The following FBXL17 variants were observed in gnomAD, a reference collection of about 807,000 sequenced individuals.
FBXL17 encodes the protein F-box and leucine rich repeat protein 17.
A neutral mutation model predicts 66.2 loss-of-function variants in FBXL17; 22 were observed. The ratio of observed to expected loss-of-function variants is 0.33; its 90% CI spans 0.24 to 0.47. The LOEUF (loss-of-function observed/expected upper bound fraction) is 0.47. FBXL17 is among the 20% of genes least tolerant of loss of function. The probability of loss-of-function intolerance (pLI) is 1.00; values close to 1 mark genes in which losing one functional copy is unlikely to be tolerated. For synonymous variants in FBXL17, 474 were observed against 400.5 expected (o/e 1.18, Z -2.19); for missense variants, 878 against 948.2 (o/e 0.93, Z 0.97).
At chr5:108,061,056 G>C (rs1220660074) in intron 6 of FBXL17, among the ~76,000 whole-genome samples, 1 of 152,068 alleles carries the variant, frequency 6.6e-6, no homozygotes, top group Non-Finnish European at 1.5e-5. Context: ...GGAGGGCAAA[G>C]TGGGCAGATC....
At chr5:107,957,435 T>C (rs562896721) in intron 7 of FBXL17, among the ~76,000 whole-genome samples, 1 of 152,056 alleles carries the variant, frequency 6.6e-6, no homozygotes, top group African/African-American at 2.4e-5. Flanking sequence ...AAAAAATCAC[T>C]CACAAGAAGA....
At chr5:108,194,139 C>G (rs1359556789) in intron 5 of FBXL17, among the ~76,000 whole-genome samples, 1 of 152,148 alleles carries the variant, frequency 6.6e-6, no homozygotes, top group African/African-American at 2.4e-5. Context: ...CCTCCATTGT[C>G]CATCCCTACC....
chr5:108,178,789 T>C (rs2150024443), intron 6 of FBXL17, among the ~76,000 whole-genome samples: 1 of 152,336 alleles, frequency 6.6e-6, no homozygotes, highest in Middle Eastern at 3.4e-3. Flanking sequence ...TTGCCACCTC[T>C]TTATTTCCAA....
intron 7 of FBXL17, among the ~76,000 whole-genome samples, chr5:107,904,954 T>C (rs1749704687): frequency 6.6e-6 from 1 of 151,524 alleles, no homozygotes; most frequent in Non-Finnish European, 1.5e-5. Context: ...AGGGTGAAGG[T>C]GGGAAGCAGA....
At chr5:108,272,504 C>T (rs1757317856) in intron 4 of FBXL17, among the ~76,000 whole-genome samples, 1 of 151,804 alleles carries the variant, frequency 6.6e-6, no homozygotes, top group Admixed American at 6.6e-5. Flanking sequence ...CAGGCATGTG[C>T]TACCATGCCT....
Position 108,155,332 on chromosome 5 carries a change from T to C in FBXL17, c.1745+30785A>G, listed in dbSNP as rs144481530. Among the ~76,000 whole-genome samples the C allele has an allele frequency of 9.1e-3, 1,379 of 152,086 alleles. 22 individuals carry two copies. The highest frequency in any genetic ancestry group is 0.032 in the African/African-American group (1,329 of 41,478). Reference sequence around the variant, plus strand: ...GAGTTTAAGACCAGCCTGAGCAACATGGTGAAACTCCATCTCTACTAAAAA... The same window carrying C: ...GAGTTTAAGACCAGCCTGAGCAACACGGTGAAACTCCATCTCTACTAAAAA... On this transcript the variant is annotated intron_variant, in intron 6 of 8. Transcript: ENST00000542267.
At chr5:108,035,892 T>C (rs1484103563) in intron 6 of FBXL17, among the ~76,000 whole-genome samples, 2 of 152,212 alleles carry the variant, frequency 1.3e-5, no homozygotes, top group Non-Finnish European at 2.9e-5. Context: ...GAAAAAAATA[T>C]GGTTCCTTTT....
intron 8 of FBXL17, among the ~76,000 whole-genome samples, chr5:107,874,923 T>A (rs1449277465): frequency 6.6e-6 from 1 of 152,158 alleles, no homozygotes; most frequent in Admixed American, 6.5e-5. Flanking sequence ...GTGAAGGACT[T>A]AAGTTCAGAT....
At chr5:108,068,508 T>G (rs1174029468) in intron 6 of FBXL17, among the ~76,000 whole-genome samples, 1 of 151,340 alleles carries the variant, frequency 6.6e-6, no homozygotes. Flanking sequence ...CAGGCTGGAG[T>G]GCAGTGGCGC....
chr5:108,277,294 A>G (rs866538291), intron 4 of FBXL17, among the ~76,000 whole-genome samples: 92 of 152,266 alleles, frequency 6.0e-4, no homozygotes, highest in African/African-American at 2.1e-3. Context: ...AAGAGAAAAT[A>G]ATCTGATTTT....
chr5:108,056,832 A>G (rs1250601773), intron 6 of FBXL17, among the ~76,000 whole-genome samples: 2 of 152,212 alleles, frequency 1.3e-5, no homozygotes, highest in Admixed American at 1.3e-4. Context: ...TCTCAAAAAT[A>G]CAATTTTAAG....
intron 7 of FBXL17, among the ~76,000 whole-genome samples, chr5:108,018,344 AG>A (rs1004219568): frequency 6.6e-6 from 1 of 152,174 alleles, no homozygotes; most frequent in South Asian, 2.1e-4. Context: ...ATAATAGGGT[AG>A]GGGGGACACA....
At chr5:107,920,375 T>C (rs1415823586) in intron 7 of FBXL17, among the ~76,000 whole-genome samples, 4 of 152,132 alleles carry the variant, frequency 2.6e-5, no homozygotes, top group African/African-American at 7.2e-5. Context: ...TGACTAATTT[T>C]TGTATTTTTA....
At chr5:108,082,730 T>A (rs999457363) in intron 6 of FBXL17, among the ~76,000 whole-genome samples, 1 of 152,186 alleles carries the variant, frequency 6.6e-6, no homozygotes, top group African/African-American at 2.4e-5. Flanking sequence ...AATCAAAAAA[T>A]TATAACATTA....
chr5:108,234,265 T>A (rs1210099362), intron 4 of FBXL17, among the ~76,000 whole-genome samples: 1 of 152,082 alleles, frequency 6.6e-6, no homozygotes, highest in Non-Finnish European at 1.5e-5. Flanking sequence ...TGCCACCGGG[T>A]TGAAGAGAGA....
Position 108,137,719 on chromosome 5 carries a change from C to T in FBXL17, c.1745+48398G>A, listed in dbSNP as rs372683240. Among the ~76,000 whole-genome samples, 34 of 152,080 alleles carry T rather than the reference C, an allele frequency of 2.2e-4. 2 individuals carry two copies. The highest frequency in any genetic ancestry group is 1.2e-3 in the East Asian group (6 of 5,196). ...CTCCTGGACAGGTATCTTAGTAGCACCCTTCTTCCTCAAAATAAATGATCT... is the reference window on the plus strand; with the variant it reads ...CTCCTGGACAGGTATCTTAGTAGCATCCTTCTTCCTCAAAATAAATGATCT... On this transcript the variant is annotated intron_variant, in intron 6 of 8. Coordinates refer to ENST00000542267, the MANE Select transcript of FBXL17 (RefSeq NM_001163315.3).
At chr5:107,936,686 G>T (rs1011954619) in intron 7 of FBXL17, among the ~76,000 whole-genome samples, 3 of 152,092 alleles carry the variant, frequency 2.0e-5, no homozygotes, top group African/African-American at 4.8e-5. Flanking sequence ...TCTGCTTGTG[G>T]AATTTTCTGA....
chr5:108,048,213 C>A (rs1243841656), intron 6 of FBXL17, among the ~76,000 whole-genome samples: 1 of 152,142 alleles, frequency 6.6e-6, no homozygotes, highest in Non-Finnish European at 1.5e-5. Flanking sequence ...AGGAGAGGGA[C>A]CTGACCATTG....
At chr5:108,198,958 G>A (rs148793687) in intron 5 of FBXL17, among the ~76,000 whole-genome samples, 8 of 152,110 alleles carry the variant, frequency 5.3e-5, no homozygotes, top group East Asian at 3.9e-4. Context: ...GAAATGAGGT[G>A]CAAAAATTTA....
Sources: allele counts gnomAD v4.1 joint callset (sites outside exome capture counted in the v4.1 genomes callset), GRCh38; gene constraint gnomAD v4.1.1; transcripts MANE v1.5; gene names NCBI Gene and HGNC (gene_info 2026-07-23, HGNC 2026-07-21).